Variants in TMEM62 observed in about 807,000 individuals in gnomAD.
TMEM62 encodes the protein transmembrane protein 62.
A neutral mutation model predicts 70.4 loss-of-function variants in TMEM62; 41 were observed. The observed-to-expected ratio is 0.58, with a 90% CI of 0.45 to 0.76. The LOEUF is 0.76. Among genes scored for constraint, TMEM62 ranks in the 30% least tolerant of loss-of-function variants. The pLI is 0.00. For missense variants in TMEM62, 688 were observed against 788.5 expected (o/e 0.87, Z 1.53); for synonymous variants, 268 against 291.0 (o/e 0.92, Z 0.80).
chr15:43,149,348 T>C (rs1464508452), intron 7 of TMEM62, among the ~76,000 whole-genome samples, 197 bp downstream of exon 7: 1 of 152,198 alleles, frequency 6.6e-6, no homozygotes, highest in African/African-American at 2.4e-5. Context: ...TTACTATCAC[T>C]ATGTTACATT....
At chr15:43,145,590 T>A (rs2036575713) in intron 4 of TMEM62, among the ~76,000 whole-genome samples, 1 of 152,208 alleles carries the variant, frequency 6.6e-6, no homozygotes, top group Admixed American at 6.5e-5. Context: ...AATTTCTGAG[T>A]ATTAGTTGTA....
intron 5 of TMEM62, among the ~76,000 whole-genome samples, chr15:43,147,608 C>T (rs188619453): frequency 1.1e-4 from 17 of 152,228 alleles, no homozygotes; most frequent in Admixed American, 2.0e-4. Flanking sequence ...CAGAGTTATA[C>T]GAGAGTTCGA....
intron 4 of TMEM62, among the ~76,000 whole-genome samples, chr15:43,141,062 G>A (rs2035936524): frequency 6.6e-6 from 1 of 152,196 alleles, no homozygotes; most frequent in Admixed American, 6.5e-5. Flanking sequence ...GCCTCCAATG[G>A]CATTGTACTA....
intron 2 of TMEM62, 103 bp downstream of exon 2, chr15:43,134,471 C>T: frequency 2.3e-6 from 2 of 854,740 alleles, no homozygotes; most frequent in South Asian, 2.8e-5. Flanking sequence ...AGCAGTATAG[C>T]CACAGCCCCA....
At chr15:43,155,628 C>G (rs2037957952) in intron 9 of TMEM62, among the ~76,000 whole-genome samples, 2 of 152,136 alleles carry the variant, frequency 1.3e-5, no homozygotes, top group South Asian at 4.1e-4. Flanking sequence ...CCATAGACTC[C>G]CTTTTTTTAG....
chr15:43,184,190 T>C lies in TMEM62; in HGVS notation c.1606-70T>C, dbSNP rs998465180. 5 of 1,350,262 alleles carry C rather than the reference T, an allele frequency of 3.7e-6. No individual in the cohort carries two copies. In the South Asian group the frequency reaches 5.4e-5, roughly 15 times the overall value. The allele number at this position is 1,350,262 out of a possible 1,614,324, so 83.6% of individuals were successfully genotyped here. ...ATAGCAGCATAGTCTTAGGATCCAC[T>C]AATAATGCATTATTAAGACCAAACT... On this transcript the variant is annotated intron_variant, in intron 13 of 13. Coordinates refer to ENST00000260403, the MANE Select transcript of TMEM62 (RefSeq NM_024956.4).
chr15:43,136,517 T>C (rs2035237509), intron 3 of TMEM62, among the ~76,000 whole-genome samples: 1 of 152,102 alleles, frequency 6.6e-6, no homozygotes, highest in Non-Finnish European at 1.5e-5. Flanking sequence ...CAATCTCAGC[T>C]CACTGCAACC....
At chr15:43,138,525 C>A in intron 3 of TMEM62, 49 bp from the exon 4 acceptor site, 3 of 1,389,192 alleles carry the variant, frequency 2.2e-6, no homozygotes, top group South Asian at 1.3e-5. Context: ...TGTTTGTATT[C>A]TTTTTTTAAT....
In TMEM62 at chr15:43,154,820, G is replaced by A. The variant is rs759281387; in HGVS notation, c.1171G>A (p.Val391Ile). The A allele has an allele frequency of 1.2e-6, 2 of 1,604,764 alleles. No homozygotes were observed. The highest frequency in any genetic ancestry group is 3.5e-5 in the Admixed American group (2 of 57,638). Residue 391 changes from valine (V) to isoleucine (I), a missense_variant, in exon 9 of 14, where the codon GTA (valine) becomes ATA (isoleucine). Transcript: ENST00000260403. ...CAGTAGTGGGACACATAACATAGAA[G>A]TAATCGTCCAGGTAAGTTAGTAATT... Reference protein sequence around the residue: ...NYSSGTHNIEVIVQDSAGRSK... With the variant: ...NYSSGTHNIEIIVQDSAGRSK...
chr15:43,181,476 T>A (rs1397462034), intron 13 of TMEM62, among the ~76,000 whole-genome samples, 177 bp downstream of exon 13: 1 of 152,242 alleles, frequency 6.6e-6, no homozygotes, highest in African/African-American at 2.4e-5. Flanking sequence ...CCTAAACTCC[T>A]TCCACCACTC....
intron 11 of TMEM62, among the ~76,000 whole-genome samples, chr15:43,178,034 G>A (rs1055436081): frequency 8.6e-5 from 13 of 151,852 alleles, no homozygotes; most frequent in African/African-American, 2.9e-4. Flanking sequence ...ATAATGTATA[G>A]GAAAGGACCA....
At chr15:43,145,844 T>C (rs573498373) in intron 4 of TMEM62, among the ~76,000 whole-genome samples, 1 of 152,346 alleles carries the variant, frequency 6.6e-6, no homozygotes, top group South Asian at 2.1e-4. Context: ...ACATACTTAA[T>C]GAGTGCCTGC....
Position 43,146,643 on chromosome 15 carries a change from A to T in TMEM62, c.618+9A>T. 6.2e-7 allele frequency: 1 copy of T among 1,602,654 alleles called. No individual in the cohort carries two copies. Among genetic ancestry groups the T allele is most frequent in the Non-Finnish European group, 8.5e-7 (1 of 1,175,710 alleles). On this transcript the variant is annotated intron_variant, in intron 5 of 13. Transcript: ENST00000260403. Reference sequence around the variant, plus strand: ...TTGGAATTTTAGATAAGGTGCAGTAAAAATCTTACTTCCCTTTGTAGCTTA... The same window carrying T: ...TTGGAATTTTAGATAAGGTGCAGTATAAATCTTACTTCCCTTTGTAGCTTA...
chr15:43,154,663 T>C lies in TMEM62; in HGVS notation c.1023-9T>C, dbSNP rs1194232690. The C allele has an allele frequency of 1.3e-6, 2 of 1,594,940 alleles. No homozygotes were observed. Among genetic ancestry groups the C allele is most frequent in the Middle Eastern group, 1.7e-4 (1 of 5,942 alleles). On this transcript the variant is annotated splice_polypyrimidine_tract_variant and intron_variant, in intron 8 of 13. Transcript: ENST00000260403. ...CAAACCATGTGTTTTATATATGCTC[T>C]CATTTTAGAGTCTTGGCCTTTTCCT...
intron 13 of TMEM62, among the ~76,000 whole-genome samples, chr15:43,183,291 A>G (rs2041542036): frequency 6.6e-6 from 1 of 152,168 alleles, no homozygotes; most frequent in South Asian, 2.1e-4. Flanking sequence ...CTTCTCCCTG[A>G]TATTCTTGCC....
chr15:43,148,013 G>A (rs543063031), intron 5 of TMEM62, among the ~76,000 whole-genome samples: 15 of 152,264 alleles, frequency 9.9e-5, no homozygotes, highest in African/African-American at 3.6e-4. Context: ...CATTTTAAAT[G>A]TTTGAAGAGT....
At chr15:43,166,501 A>C (rs1443601520) in intron 10 of TMEM62, among the ~76,000 whole-genome samples, 3 of 151,646 alleles carry the variant, frequency 2.0e-5, no homozygotes, top group African/African-American at 7.3e-5. Flanking sequence ...GTGCAAATCA[A>C]TTATTCCTGA....
chr15:43,179,173 G>A (rs2142099170), intron 12 of TMEM62, among the ~76,000 whole-genome samples: 1 of 152,250 alleles, frequency 6.6e-6, no homozygotes, highest in East Asian at 1.9e-4. Context: ...TGAGGCGAGA[G>A]TACTGCTTGA....
At chr15:43,149,870 A>G (rs2141666258) in intron 7 of TMEM62, among the ~76,000 whole-genome samples, 1 of 152,228 alleles carries the variant, frequency 6.6e-6, no homozygotes, top group East Asian at 1.9e-4. Context: ...ACTTCTTCAA[A>G]TAGATGATAG....
Sources: allele counts gnomAD v4.1 joint callset (sites outside exome capture counted in the v4.1 genomes callset), GRCh38; gene constraint gnomAD v4.1.1; transcripts MANE v1.5; gene names NCBI Gene and HGNC (gene_info 2026-07-23, HGNC 2026-07-21).